Variants in DMD observed in about 807,000 individuals in gnomAD.
DMD encodes mutant dystrophin.
DMD carries 63 observed loss-of-function variants against 330.1 expected under a neutral mutation model. That is an observed-to-expected ratio of 0.19 (90% confidence interval 0.16 to 0.24). The LOEUF (loss-of-function observed/expected upper bound fraction) is 0.24. DMD is among the 10% of genes least tolerant of loss of function. The probability of loss-of-function intolerance (pLI) is 1.00; values close to 1 mark genes in which losing one functional copy is unlikely to be tolerated. For missense variants in DMD, 3,344 were observed against 2,684.1 expected (o/e 1.25, Z -5.43); for synonymous variants, 1,223 against 959.8 (o/e 1.27, Z -5.07).
intron 7 of DMD, among the ~76,000 whole-genome samples, chrX:32,806,871 A>G (rs1218905975): frequency 9.0e-6 from 1 of 110,523 alleles, no homozygotes; most frequent in East Asian, 2.8e-4. Flanking sequence ...TTCTGACAGA[A>G]ATAAAGAAGT....
At chrX:32,271,055 C>T (rs959575202) in intron 43 of DMD, among the ~76,000 whole-genome samples, 1 of 111,029 alleles carries the variant, frequency 9.0e-6, no homozygotes, top group African/African-American at 3.3e-5. Context: ...ATGGAAGGTA[C>T]CCAAAGAAAT....
At position 31,765,074 on chromosome X, in the gene DMD, A is replaced by G. The variant is rs781555950; in HGVS notation, c.7542+8886T>C. Among the ~76,000 whole-genome samples the G allele has an allele frequency of 2.7e-5, 3 of 110,087 alleles. No individual in the cohort carries two copies. In the South Asian group the frequency reaches 1.2e-3, roughly 42 times the overall value. On this transcript the variant is annotated intron_variant, in intron 51 of 78. Transcript: ENST00000357033. ...GCTTTTTTTTTTTCAAAAACAATGC[A>G]GCCATTACTACCTTGGAAATTACTG... is the stretch of plus-strand genomic sequence containing the variant.
intron 37 of DMD, among the ~76,000 whole-genome samples, chrX:32,360,947 T>C (rs183017400): frequency 9.0e-6 from 1 of 111,180 alleles, no homozygotes; most frequent in Non-Finnish European, 1.9e-5. Context: ...TCATGCAGAA[T>C]GTGAAATGAA....
At chrX:32,458,035 A>G (rs1239628890) in intron 25 of DMD, among the ~76,000 whole-genome samples, 2 of 111,125 alleles carry the variant, frequency 1.8e-5, no homozygotes, top group Non-Finnish European at 3.8e-5. Context: ...ATACACCTTG[A>G]AAAGATGAAT....
intron 2 of DMD, among the ~76,000 whole-genome samples, chrX:32,900,367 G>A (rs1603460556): frequency 1.8e-5 from 2 of 111,229 alleles, no homozygotes; most frequent in African/African-American, 6.5e-5. Flanking sequence ...TAAGAGAAGG[G>A]CCCTCACTCT....
intron 43 of DMD, among the ~76,000 whole-genome samples, chrX:32,254,709 C>T (rs746091298): frequency 8.0e-5 from 9 of 111,936 alleles, no homozygotes; most frequent in African/African-American, 2.3e-4. Flanking sequence ...AGATGTTACC[C>T]ACCATTGCAT....
chrX:31,789,232 C>T (rs760108033), intron 50 of DMD, among the ~76,000 whole-genome samples: 8 of 110,700 alleles, frequency 7.2e-5, no homozygotes, highest in Non-Finnish European at 1.5e-4. Flanking sequence ...TACTTTTTAC[C>T]TTTTGTATAT....
At chrX:32,643,692 T>G (rs2059613756) in intron 11 of DMD, among the ~76,000 whole-genome samples, 1 of 111,721 alleles carries the variant, frequency 9.0e-6, no homozygotes, top group African/African-American at 3.2e-5. Context: ...AATAATGTTT[T>G]TCAAGAGGAT....
chrX:32,320,114 T>C (rs1205633145), intron 41 of DMD, among the ~76,000 whole-genome samples: 1 of 111,062 alleles, frequency 9.0e-6, no homozygotes, highest in Non-Finnish European at 1.9e-5. Context: ...CACCCTCCTA[T>C]ATCGCTTTTA....
chrX:32,171,146 AATAC>A (rs2147349529), intron 44 of DMD, among the ~76,000 whole-genome samples: 1 of 111,910 alleles, frequency 8.9e-6, no homozygotes, highest in Admixed American at 9.5e-5. Context: ...TTCCAAAATT[AATAC>A]ATATTTTATT....
intron 64 of DMD, among the ~76,000 whole-genome samples, chrX:31,218,214 T>C (rs1354245846): frequency 1.0e-5 from 1 of 96,632 alleles, no homozygotes; most frequent in Non-Finnish European, 2.2e-5. Flanking sequence ...GGTCTATTTC[T>C]GGGTTTCTTT....
At chrX:31,473,711 C>CA (rs55752684) in intron 59 of DMD, among the ~76,000 whole-genome samples, 1,002 of 40,019 alleles carry the variant, frequency 0.025, 20 homozygotes, top group African/African-American at 0.044. Flanking sequence ...GACTCTGTCT[C>CA]AAAAAAAAAA....
Position 31,180,516 on chromosome X carries a change from C to T in DMD, c.9975-35G>A, listed in dbSNP as rs779883036. 6.5e-6 allele frequency: 6 copies of T among 926,619 alleles called. No individual in the cohort carries two copies. The South Asian group carries it at 1.2e-4, about 18-fold the overall frequency. 76.4% of individuals were successfully genotyped at this position (926,619 alleles called of 1,213,427 possible). On this transcript the variant is annotated intron_variant, in intron 68 of 78. Coordinates refer to ENST00000357033, the MANE Select transcript of DMD (RefSeq NM_004006.3). ...AGCAAAAACAAACACGTATGTATTTCTTCGAATCAAATTCCCAAAGAACAC... is the reference window on the plus strand; with the variant it reads ...AGCAAAAACAAACACGTATGTATTTTTTCGAATCAAATTCCCAAAGAACAC...
At chrX:33,052,553 A>C (rs2094469598) in intron 1 of DMD, among the ~76,000 whole-genome samples, 1 of 111,850 alleles carries the variant, frequency 8.9e-6, no homozygotes, top group Non-Finnish European at 1.9e-5. Flanking sequence ...AATTCAAGGG[A>C]CTGAACACAC....
rs2094827830 is a variant in DMD at position 31,929,636 on chromosome X, AG to A, written c.6871del (p.Glu2292LysfsTer12). The A allele has an allele frequency of 8.3e-7, 1 of 1,209,397 alleles. No individual in the cohort carries two copies. Among genetic ancestry groups the A allele is most frequent in the Admixed American group, 2.2e-5 (1 of 45,618 alleles). On this transcript the variant is annotated frameshift_variant, in exon 47 of 79. Coordinates refer to ENST00000357033, the MANE Select transcript of DMD (RefSeq NM_004006.3). LOFTEE classifies it high-confidence loss of function. ...APISPEEQDK[L>X]ENKLKQTNLQ... is the part of the protein sequence containing the mutation. ...ATTTGTCTGCTTGAGCTTATTTTCA[AG>A]TTTATCTTGCTCTTCTGGGCTTATG...
At chrX:32,064,610 C>T (rs781481014) in intron 44 of DMD, among the ~76,000 whole-genome samples, 14 of 111,465 alleles carry the variant, frequency 1.3e-4, no homozygotes, top group African/African-American at 4.5e-4. Context: ...TTAGTAATCC[C>T]TTAAATACAT....
At chrX:32,474,208 TACACACACACACAC>T (rs3045001) in intron 21 of DMD, among the ~76,000 whole-genome samples, 1 of 41,284 alleles carries the variant, frequency 2.4e-5, no homozygotes, top group African/African-American at 4.5e-5. Context: ...CATACATACA[TACACACACACACAC>T]ACACACACAC....
chrX:31,216,668 T>G (rs2148654681), intron 64 of DMD, among the ~76,000 whole-genome samples: 1 of 112,109 alleles, frequency 8.9e-6, no homozygotes, highest in East Asian at 2.8e-4. Context: ...AATGTAGCCT[T>G]TTCTGGCAAT....
At chrX:32,264,529 A>G (rs890826131) in intron 43 of DMD, among the ~76,000 whole-genome samples, 3 of 111,798 alleles carry the variant, frequency 2.7e-5, no homozygotes, top group African/African-American at 9.8e-5. Flanking sequence ...AAGTATGGGA[A>G]ACTCTGGAAC....
Sources: allele counts gnomAD v4.1 joint callset (sites outside exome capture counted in the v4.1 genomes callset), GRCh38; gene constraint gnomAD v4.1.1; transcripts MANE v1.5; gene names NCBI Gene and HGNC (gene_info 2026-07-23, HGNC 2026-07-21).